NIBAN3: variants seen among roughly 807,000 people sequenced by gnomAD.
NIBAN3 encodes niban apoptosis regulator 3, also known as protein Niban 3.
NIBAN3 carries 66 observed loss-of-function variants against 76.4 expected under a neutral mutation model. The observed-to-expected ratio is 0.86, with a 90% confidence interval of 0.71 to 1.06. NIBAN3 has a LOEUF of 1.06. NIBAN3 is among the 50% of genes least tolerant of loss of function. The pLI is 0.00. For synonymous variants in NIBAN3, 360 were observed against 355.2 expected (o/e 1.01, Z -0.15); for missense variants, 808 against 810.7 (o/e 1.00, Z 0.04).
chr19:17,546,922 C>A, intron 13 of NIBAN3, 125 bp downstream of exon 13: 2 of 1,297,220 alleles, frequency 1.5e-6, no homozygotes, highest in Non-Finnish European at 2.1e-6. Context: ...TAAGTCAGGA[C>A]TTGGCCTGAG....
rs149676710 is a variant in NIBAN3 at position 17,543,575 on chromosome 19, G to T, written c.1498G>T (p.Gly500Cys). The change falls in exon 12 of 15, where the codon GGT becomes TGT. Residue 500 changes from glycine (G) to cysteine (C), a missense_variant. Coordinates refer to ENST00000599164, the MANE Select transcript of NIBAN3 (RefSeq NM_001321827.2). ...LAQRRFIRGW[G>C]LCIFLPFVLS... ...GCAGAGGAGGTTCATCCGAGGCTGG[G>T]GTCTCTGCATCTTTTTACCTTTTGT... The T allele has an allele frequency of 3.1e-4, 496 of 1,614,120 alleles. 4 individuals carry two copies. The African/African-American group carries it at 6.2e-3, about 20-fold the overall frequency.
At chr19:17,532,677 G>C (rs1054856593) in intron 3 of NIBAN3, among the ~76,000 whole-genome samples, 1 of 152,214 alleles carries the variant, frequency 6.6e-6, no homozygotes, top group Non-Finnish European at 1.5e-5. Context: ...TGGCCGCTCT[G>C]CTTTCTGGCT....
In NIBAN3 at chr19:17,539,628, TC is replaced by T. The variant is rs2075901023; in HGVS notation, c.844del (p.Leu282TrpfsTer44). On this transcript the variant is annotated frameshift_variant, in exon 8 of 15. Coordinates refer to ENST00000599164, the MANE Select transcript of NIBAN3 (RefSeq NM_001321827.2). LOFTEE classifies it high-confidence loss of function. Reference protein sequence around the residue: ...TELLDAVHAAVLAGASAGLCA... With the variant: ...TELLDAVHAAXLAGASAGLCA... ...CTTCTAGACGCCGTTCACGCAGCTG[TC>T]CTGGCCGGGGCCTCCGCCGGGCTCT... is the stretch of plus-strand genomic sequence containing the variant. 20 of 1,575,496 alleles carry T rather than the reference TC, an allele frequency of 1.3e-5. No individual in the cohort carries two copies. Among genetic ancestry groups the T allele is most frequent in the Non-Finnish European group, 1.7e-5 (20 of 1,159,742 alleles).
chr19:17,539,968 C>T (rs948734477), intron 8 of NIBAN3, among the ~76,000 whole-genome samples: 4 of 146,516 alleles, frequency 2.7e-5, no homozygotes, highest in African/African-American at 1.0e-4. Context: ...GTCTTGTGGT[C>T]GAGGCACTGG....
intron 14 of NIBAN3, chr19:17,549,874 A>G (rs1182111621): frequency 8.6e-6 from 4 of 465,840 alleles, no homozygotes; most frequent in Non-Finnish European, 1.5e-5. Context: ...CCAGGCTGGA[A>G]TGCATAATCT....
Position 17,546,510 on chromosome 19 carries a change from C to T in NIBAN3, c.1555-176C>T, listed in dbSNP as rs2076057549. On this transcript the variant is annotated intron_variant, in intron 12 of 14. Coordinates refer to ENST00000599164, the MANE Select transcript of NIBAN3 (RefSeq NM_001321827.2). ...GATTACAGGCATGAGCCACCGCACC[C>T]GGCCTGTTTATTTTAAAATAAAAAT... 8 of 1,161,184 alleles carry T rather than the reference C, an allele frequency of 6.9e-6. 1 individual carries two copies. The highest frequency in any genetic ancestry group is 5.7e-5 in the South Asian group (2 of 34,996). 71.9% of individuals were successfully genotyped at this position (1,161,184 alleles called of 1,614,324 possible).
At chr19:17,536,668 GTGC>G (rs2075830008) in intron 4 of NIBAN3, among the ~76,000 whole-genome samples, 1 of 152,168 alleles carries the variant, frequency 6.6e-6, no homozygotes, top group Non-Finnish European at 1.5e-5. Context: ...GCCTCCAAAG[GTGC>G]TGGGATTACA....
In NIBAN3 at chr19:17,540,484, G is replaced by T; in HGVS notation, c.1072G>T (p.Ala358Ser). The T allele has an allele frequency of 6.2e-7, 1 of 1,600,306 alleles. No individual in the cohort carries two copies. The highest frequency in any genetic ancestry group is 2.3e-5 in the East Asian group (1 of 43,658). ...GCAGACCCTGCTGCGCACCGTGGAA[G>T]CCTCGCTCGAGGCGGTGCGGACCCT... Reference protein sequence around the residue: ...VVQTLLRTVEASLEAVRTLLA... With the variant: ...VVQTLLRTVESSLEAVRTLLA... Residue 358 changes from alanine (A) to serine (S), a missense_variant, in exon 9 of 15, where the codon GCC (alanine) becomes TCC (serine). Coordinates refer to ENST00000599164, the MANE Select transcript of NIBAN3 (RefSeq NM_001321827.2).
downstream of NIBAN3, among the ~76,000 whole-genome samples, chr19:17,554,167 C>T (rs1360222637): frequency 1.3e-5 from 2 of 152,180 alleles, no homozygotes; most frequent in African/African-American, 4.8e-5. Flanking sequence ...AGCCACTGCA[C>T]CTGGCCTGTA....
Position 17,537,436 on chromosome 19 carries a change from T to G in NIBAN3, c.488T>G (p.Phe163Cys). ...GAAGTGCCTGTGAGCTTCCCGCTGT[T>G]CCTGCAGCACCCCTTCCGCCGGCAC... is the stretch of plus-strand genomic sequence containing the variant. ...LLEVPVSFPL[F>C]LQHPFRRHLC... Residue 163 changes from phenylalanine to cysteine, a missense_variant, in exon 5 of 15, where the codon TTC becomes TGC. Transcript: ENST00000599164. The G allele has an allele frequency of 1.2e-6, 2 of 1,614,104 alleles. No homozygotes were observed. Among genetic ancestry groups the G allele is most frequent in the Non-Finnish European group, 8.5e-7 (1 of 1,180,018 alleles).
chr19:17,535,322 G>T lies in NIBAN3; in HGVS notation c.427+1621G>T, dbSNP rs532655225. On this transcript the variant is annotated intron_variant, in intron 4 of 14. Coordinates refer to ENST00000599164, the MANE Select transcript of NIBAN3 (RefSeq NM_001321827.2). ...TTACCTAGGTGTGGTGGCATGTGCCGGTAGTCCCAGCTACTCAGAAGGCAG... is the reference window on the plus strand; with the variant it reads ...TTACCTAGGTGTGGTGGCATGTGCCTGTAGTCCCAGCTACTCAGAAGGCAG... Among the ~76,000 whole-genome samples, 646 of 152,184 alleles carry T rather than the reference G, an allele frequency of 4.2e-3. 4 individuals are homozygous for T. The highest frequency in any genetic ancestry group is 0.015 in the African/African-American group (615 of 41,508).
Position 17,527,326 on chromosome 19 carries a change from G to A in NIBAN3, c.-15G>A. ...CGTGGGGAAGGGAAGAGGAGCCCCG[G>A]GAGACGACAGCAGCATGGGTGGGCG... On this transcript the variant is annotated 5_prime_UTR_variant, in exon 1 of 15. Transcript: ENST00000599164. 6.4e-7 allele frequency: 1 copy of A among 1,550,632 alleles called. No individual in the cohort carries two copies. The highest frequency in any genetic ancestry group is 8.7e-7 in the Non-Finnish European group (1 of 1,146,808).
upstream of NIBAN3, among the ~76,000 whole-genome samples, chr19:17,524,366 A>C (rs1022868698): frequency 7.9e-5 from 12 of 151,602 alleles, no homozygotes; most frequent in African/African-American, 2.9e-4. Flanking sequence ...GCTCACTGCA[A>C]CCTCCGCCTC....
chr19:17,532,076 C>A (rs890056510), intron 2 of NIBAN3, among the ~76,000 whole-genome samples, 187 bp from the exon 3 acceptor site: 7 of 152,206 alleles, frequency 4.6e-5, no homozygotes, highest in Non-Finnish European at 8.8e-5. Flanking sequence ...CCAGCTGTGC[C>A]CACCCAGGGC....
At position 17,546,701 on chromosome 19, in the gene NIBAN3, G is replaced by A. The variant is rs756954290; in HGVS notation, c.1570G>A (p.Glu524Lys). ...ATGGTTCCAGGAGCTGCCTGAGTTC[G>A]AGGGGGATGTCCTTGCCGTGGGCAG... The part of the protein sequence containing the change: ...PGCKKELPEF[E>K]GDVLAVGSQA... The change falls in exon 13 of 15, where the codon GAG (glutamate) becomes AAG (lysine). Residue 524 changes from glutamate to lysine, a missense_variant. By Grantham distance (56) the Glu-to-Lys change is moderately conservative. Transcript: ENST00000599164. 3.3e-5 allele frequency: 52 copies of A among 1,587,622 alleles called. No individual in the cohort carries two copies. The Admixed American group carries it at 5.2e-4, about 16-fold the overall frequency.
chr19:17,528,521 G>C (rs147165282), intron 1 of NIBAN3, among the ~76,000 whole-genome samples: 1 of 152,122 alleles, frequency 6.6e-6, no homozygotes, highest in Admixed American at 6.6e-5. Flanking sequence ...CTTCCTGAGC[G>C]GGCAGGGACC....
Position 17,549,499 on chromosome 19 carries a change from G to A in NIBAN3, c.1722G>A (p.Leu574=). 2 of 1,613,840 alleles carry A rather than the reference G, an allele frequency of 1.2e-6. No homozygotes were observed. The highest frequency in any genetic ancestry group is 1.7e-6 in the Non-Finnish European group (2 of 1,179,760). Residue 574 remains leucine, a synonymous_variant, in exon 14 of 15, where the codon TTG becomes TTA. Transcript: ENST00000599164. The part of the protein sequence containing the change: ...NDVSCTLDGC[L]EVPWEQEGAD... ...TATCCTGCACTCTGGACGGCTGCTTGGAGGTCCCATGGGAACAGGAGGGAG... is the reference window on the plus strand; with the variant it reads ...TATCCTGCACTCTGGACGGCTGCTTAGAGGTCCCATGGGAACAGGAGGGAG...
At chr19:17,539,860 TA>T (rs2075908458) in intron 8 of NIBAN3, 95 bp downstream of exon 8, 5 of 852,178 alleles carry the variant, frequency 5.9e-6, no homozygotes, top group South Asian at 5.4e-5. Context: ...TGAAGTTATG[TA>T]AAATGGGGGC....
chr19:17,546,585 C>T, intron 12 of NIBAN3, 101 bp from the exon 13 acceptor site: 1 of 1,316,724 alleles, frequency 7.6e-7, no homozygotes. Context: ...GCCCCCCAAC[C>T]CCACAGCTAA....
Sources: gnomAD v4.1 joint callset for allele counts (sites outside exome capture counted in the v4.1 genomes callset) on GRCh38, gnomAD v4.1.1 for gene constraint, MANE v1.5 for transcripts, NCBI Gene and HGNC (gene_info 2026-07-23, HGNC 2026-07-21) for gene names.